ITGB5: variants seen among roughly 807,000 people sequenced by gnomAD.
ITGB5 encodes the protein integrin subunit beta 5.
In ITGB5, 38 loss-of-function variants were observed where a neutral mutation model predicts 84.8. The observed-to-expected ratio is 0.45, with a 90% CI of 0.35 to 0.59. ITGB5 has a LOEUF of 0.59. Among genes scored for constraint, ITGB5 ranks in the 20% least tolerant of loss-of-function variants. ITGB5 has a pLI of 0.01. For synonymous variants in ITGB5, 393 were observed against 414.4 expected (o/e 0.95, Z 0.63); for missense variants, 905 against 1,034.5 (o/e 0.87, Z 1.72).
chr3:124,774,887 C>A (rs2063901621), intron 10 of ITGB5, among the ~76,000 whole-genome samples: 1 of 152,146 alleles, frequency 6.6e-6, no homozygotes. Flanking sequence ...ATGGGGCAGG[C>A]ATTATTGTCC....
At chr3:124,812,009 C>T (rs1009997138) in intron 8 of ITGB5, among the ~76,000 whole-genome samples, 4 of 152,228 alleles carry the variant, frequency 2.6e-5, no homozygotes, top group Admixed American at 2.6e-4. Flanking sequence ...GAATTTGGCT[C>T]TGTGACTTTG....
intron 10 of ITGB5, among the ~76,000 whole-genome samples, chr3:124,784,576 G>A (rs1016324224): frequency 4.6e-5 from 7 of 152,246 alleles, no homozygotes; most frequent in Non-Finnish European, 7.3e-5. Context: ...GTGGAGGGAA[G>A]ATGGACAAAT....
At chr3:124,799,331 G>A (rs1036229105) in intron 9 of ITGB5, among the ~76,000 whole-genome samples, 3 of 152,168 alleles carry the variant, frequency 2.0e-5, no homozygotes, top group Non-Finnish European at 2.9e-5. Context: ...GGGCAGACTG[G>A]GAGGATCACT....
intron 10 of ITGB5, among the ~76,000 whole-genome samples, chr3:124,774,911 G>A (rs1484061384): frequency 2.0e-5 from 3 of 152,206 alleles, no homozygotes; most frequent in Admixed American, 6.5e-5. Context: ...TTATATAAGG[G>A]GTGAAACCAA....
intron 3 of ITGB5, 112 bp from the exon 4 acceptor site, chr3:124,848,670 GT>G: frequency 8.5e-7 from 1 of 1,169,802 alleles, no homozygotes; most frequent in Non-Finnish European, 1.2e-6. Flanking sequence ...TAGTGATTGT[GT>G]GCCTCACAGA....
At chr3:124,865,175 C>G (rs1361582124) in intron 2 of ITGB5, among the ~76,000 whole-genome samples, 2 of 152,190 alleles carry the variant, frequency 1.3e-5, no homozygotes, top group African/African-American at 4.8e-5. Context: ...GATAAATATC[C>G]TTTTGCAGAG....
chr3:124,869,381 G>T (rs1441092225), intron 2 of ITGB5, among the ~76,000 whole-genome samples: 1 of 152,026 alleles, frequency 6.6e-6, no homozygotes, highest in Non-Finnish European at 1.5e-5. Flanking sequence ...TTTGAGACCA[G>T]CCTGGACAAC....
At chr3:124,844,205 CAAAAAAAAAAAAAAAAA>C (rs58956636) in intron 4 of ITGB5, among the ~76,000 whole-genome samples, 2 of 85,914 alleles carry the variant, frequency 2.3e-5, no homozygotes. Context: ...TTGGTTTTGG[CAAAAAAAAAAAAAAAAA>C]AAAAAAAAAA....
At chr3:124,896,382 GTTC>G (rs1559992680) in intron 1 of ITGB5, among the ~76,000 whole-genome samples, 1 of 152,132 alleles carries the variant, frequency 6.6e-6, no homozygotes, top group Non-Finnish European at 1.5e-5. Flanking sequence ...CTCACTAGGG[GTTC>G]TTCTTATGTT....
Position 124,848,375 on chromosome 3 carries a change from A to G in ITGB5, c.545T>C (p.Phe182Ser), listed in dbSNP as rs375767323. The G allele has an allele frequency of 2.5e-6, 4 of 1,613,992 alleles. No individual in the cohort carries two copies. The African/African-American group carries it at 5.3e-5, about 22-fold the overall frequency. The change falls in exon 4 of 15, where the codon TTT becomes TCT. Residue 182 changes from phenylalanine to serine, a missense_variant. Physicochemically the swap from Phe to Ser is radical, Grantham distance 155. Around this residue, in one of 3 missense-constraint regions of ITGB5, gnomAD observed 656 missense variants for 734.7 expected, o/e 0.89. Coordinates refer to ENST00000296181, the MANE Select transcript of ITGB5 (RefSeq NM_002213.5). ...TSNFRLGFGS[F>S]VDKDISPFSY... Reference sequence around the variant, plus strand: ...GAAAGGAGAGATGTCCTTATCAACAAAAGACCCAAATCCCAACCGGAAGTT... The same window carrying G: ...GAAAGGAGAGATGTCCTTATCAACAGAAGACCCAAATCCCAACCGGAAGTT...
chr3:124,862,750 T>C (rs2065323341), intron 2 of ITGB5: 2 of 152,146 alleles, frequency 1.3e-5, no homozygotes, highest in African/African-American at 4.8e-5. Context: ...AGTTTTCCCA[T>C]GTTTCTCCTT....
chr3:124,794,777 A>G (rs1449614505), intron 10 of ITGB5, among the ~76,000 whole-genome samples: 4 of 147,738 alleles, frequency 2.7e-5, no homozygotes, highest in Admixed American at 6.8e-5. Context: ...GCGAGACTTC[A>G]TCTCAAAAAA....
At chr3:124,891,874 G>T (rs925407569), upstream of ITGB5, among the ~76,000 whole-genome samples, 5 of 151,650 alleles carry the variant, frequency 3.3e-5, no homozygotes, top group Non-Finnish European at 5.9e-5. Context: ...AGCCATGATT[G>T]CACCACTGCA....
intron 12 of ITGB5, among the ~76,000 whole-genome samples, chr3:124,767,925 C>A (rs1240979690): frequency 1.3e-5 from 2 of 152,064 alleles, no homozygotes; most frequent in Non-Finnish European, 2.9e-5. Flanking sequence ...AAAAATTTGC[C>A]AGGCATGGTG....
chr3:124,791,510 C>T (rs1325144184), intron 10 of ITGB5: 2 of 152,226 alleles, frequency 1.3e-5, no homozygotes, highest in African/African-American at 4.8e-5. Context: ...GGACTGTAAG[C>T]CTCCTACTGA....
chr3:124,855,327 A>G (rs2065208642), intron 3 of ITGB5, among the ~76,000 whole-genome samples: 1 of 152,080 alleles, frequency 6.6e-6, no homozygotes, highest in Admixed American at 6.5e-5. Flanking sequence ...ATATAGATAG[A>G]TATATGAAAA....
intron 10 of ITGB5, among the ~76,000 whole-genome samples, chr3:124,781,881 G>T (rs189376338): frequency 6.6e-6 from 1 of 152,110 alleles, no homozygotes; most frequent in South Asian, 2.1e-4. Flanking sequence ...CAGTGCTGCC[G>T]TGCAACCTCA....
rs145657259 is a variant in ITGB5, at chr3:124,775,303, AGT to A, written c.1694-1393_1694-1392del. On this transcript the variant is annotated intron_variant, in intron 10 of 14. Transcript: ENST00000296181. Reference sequence around the variant, plus strand: ...TTGTGAGTGGGTGCAAGTGTGCATGAGTGTGTACAAGTGTGAGTGTATGTGTG... The same window carrying A: ...TTGTGAGTGGGTGCAAGTGTGCATGAGTGTACAAGTGTGAGTGTATGTGTG... Among the ~76,000 whole-genome samples the A allele has an allele frequency of 1.7e-3, 252 of 151,936 alleles. 2 individuals carry two copies. The East Asian group carries it at 0.045, about 27-fold the overall frequency.
rs59446328 is a variant in ITGB5 at position 124,865,481 on chromosome 3, C to CTTTTTTTTTT, written c.157-6045_157-6036dup. Among the ~76,000 whole-genome samples, 60 of 93,284 alleles carry CTTTTTTTTTT rather than the reference C, an allele frequency of 6.4e-4. 7 individuals carry two copies. The highest frequency in any genetic ancestry group is 9.4e-4 in the African/African-American group (23 of 24,514). The allele number at this position is 93,284 out of a possible 152,430, so 61.2% of individuals were successfully genotyped here. A position where few individuals can be genotyped will look rare whatever the true frequency, so the allele number is the denominator to read the frequency against. On this transcript the variant is annotated intron_variant, in intron 2 of 14. Transcript: ENST00000296181. ...TTGAAGTGTCCTTTGCGGCTTTTTT[C>CTTTTTTTTTT]TTTTTTTTTTTTTTTTTTTTTGAGA...
Sources: allele counts gnomAD v4.1 joint callset (sites outside exome capture counted in the v4.1 genomes callset), GRCh38; gene constraint gnomAD v4.1.1; regional missense constraint gnomAD v4.1.1; transcripts MANE v1.5; gene names NCBI Gene and HGNC (gene_info 2026-07-23, HGNC 2026-07-21).